SLC35F1: variants seen among roughly 807,000 people sequenced by gnomAD.
The protein encoded by SLC35F1 is chromosome 6 open reading frame 169.
In SLC35F1, 14 loss-of-function variants were observed where a neutral mutation model predicts 48.7. The observed-to-expected ratio is 0.29, with a 90% confidence interval of 0.19 to 0.45. The LOEUF is 0.45. Ranked by LOEUF, SLC35F1 falls within the 20% of genes least tolerant of loss-of-function variation. The pLI is 1.00. For synonymous variants in SLC35F1, 190 were observed against 202.2 expected (o/e 0.94, Z 0.51); for missense variants, 404 against 500.0 (o/e 0.81, Z 1.83).
chr6:118,268,307 G>A (rs1775803422), intron 4 of SLC35F1, among the ~76,000 whole-genome samples: 1 of 152,000 alleles, frequency 6.6e-6, no homozygotes, highest in Admixed American at 6.6e-5. Context: ...ATACAACATA[G>A]AACAAAAGAG....
chr6:118,268,074 G>A (rs956512924), intron 4 of SLC35F1, among the ~76,000 whole-genome samples: 27 of 152,114 alleles, frequency 1.8e-4, no homozygotes, highest in African/African-American at 3.1e-4. Flanking sequence ...ACAAGGTCAC[G>A]TTAAGTCTCT....
intron 3 of SLC35F1, among the ~76,000 whole-genome samples, chr6:118,259,102 T>C (rs1775681345): frequency 6.6e-6 from 1 of 151,662 alleles, no homozygotes; most frequent in Non-Finnish European, 1.5e-5. Context: ...AAAGATATTT[T>C]ATATATCAGT....
intron 1 of SLC35F1, among the ~76,000 whole-genome samples, chr6:118,138,749 C>CATTATTATATCCA (rs1773836461): frequency 6.6e-6 from 1 of 151,786 alleles, no homozygotes; most frequent in African/African-American, 2.4e-5. Context: ...TTTGACCCTG[C>CATTATTATATCCA]AGTATTATAT....
In SLC35F1 at chr6:118,234,377, T is replaced by C. The variant is rs368458969; in HGVS notation, c.350-1132T>C. On this transcript the variant is annotated intron_variant, in intron 2 of 7. Coordinates refer to ENST00000360388, the MANE Select transcript of SLC35F1 (RefSeq NM_001029858.4). Reference sequence around the variant, plus strand: ...TCTTTGGTGTTCTCTCTCTCTCTCATTGTTTGTCCTGGGACAAAACAAATG... The same window carrying C: ...TCTTTGGTGTTCTCTCTCTCTCTCACTGTTTGTCCTGGGACAAAACAAATG... 8.5e-5 allele frequency among the ~76,000 whole-genome samples: 13 copies of C among 152,212 alleles called. 1 individual carries two copies. In the East Asian group the frequency reaches 2.3e-3, roughly 27 times the overall value.
At chr6:118,149,645 G>A (rs1774026745) in intron 1 of SLC35F1, among the ~76,000 whole-genome samples, 1 of 152,110 alleles carries the variant, frequency 6.6e-6, no homozygotes. Context: ...ATTCCTTCCG[G>A]TTTTACATGT....
chr6:118,143,468 A>G (rs527505274), intron 1 of SLC35F1, among the ~76,000 whole-genome samples: 2 of 152,304 alleles, frequency 1.3e-5, no homozygotes, highest in Non-Finnish European at 2.9e-5. Flanking sequence ...TTAGTTTCAT[A>G]ATACTCATTT....
chr6:118,203,652 C>T (rs1451541967), intron 2 of SLC35F1, among the ~76,000 whole-genome samples: 1 of 152,170 alleles, frequency 6.6e-6, no homozygotes, highest in African/African-American at 2.4e-5. Flanking sequence ...CCTGCCAAGA[C>T]TTGTAGGAAA....
At chr6:118,224,614 CA>C (rs2114567882) in intron 2 of SLC35F1, among the ~76,000 whole-genome samples, 1 of 152,300 alleles carries the variant, frequency 6.6e-6, no homozygotes, top group South Asian at 2.1e-4. Flanking sequence ...TGAGGGAAAT[CA>C]AGGCTTAAAG....
rs1393667511 is a variant in SLC35F1 at position 117,966,140 on chromosome 6, C to CT, written c.173+58241_173+58242insT. 2.4e-4 allele frequency among the ~76,000 whole-genome samples: 31 copies of CT among 128,200 alleles called. 2 individuals carry two copies. Among genetic ancestry groups the CT allele is most frequent in the African/African-American group, 7.7e-4 (27 of 35,184 alleles). 84.1% of individuals were successfully genotyped at this position (128,200 alleles called of 152,430 possible). A position where few individuals can be genotyped will look rare whatever the true frequency, so the allele number is the denominator to read the frequency against. On this transcript the variant is annotated intron_variant, in intron 1 of 7. Coordinates refer to ENST00000360388, the MANE Select transcript of SLC35F1 (RefSeq NM_001029858.4). ...ATAAAAGCAGGCCACCGCCCCCCCCCCCACTCCCGCCCCGCCCCAAGCAGC... is the reference window on the plus strand; with the variant it reads ...ATAAAAGCAGGCCACCGCCCCCCCCCTCCACTCCCGCCCCGCCCCAAGCAGC...
intron 1 of SLC35F1, among the ~76,000 whole-genome samples, chr6:118,136,954 C>A (rs2114433858): frequency 6.6e-6 from 1 of 152,346 alleles, no homozygotes; most frequent in African/African-American, 2.4e-5. Context: ...ATAGATTAGG[C>A]AATATCCATT....
At chr6:117,966,010 A>C (rs35619468) in intron 1 of SLC35F1, among the ~76,000 whole-genome samples, 43,703 of 151,688 alleles carry the variant, frequency 0.29, 6,631 homozygotes, top group Admixed American at 0.38. Context: ...AAATGGACCA[A>C]TCAGCACTCT....
chr6:118,045,022 G>A (rs1772280848), intron 1 of SLC35F1, among the ~76,000 whole-genome samples: 1 of 152,130 alleles, frequency 6.6e-6, no homozygotes, highest in Non-Finnish European at 1.5e-5. Context: ...TCCAAATGAA[G>A]TCTTACATAT....
intron 1 of SLC35F1, among the ~76,000 whole-genome samples, chr6:118,064,220 C>T (rs1772582442): frequency 1.3e-5 from 2 of 152,296 alleles, no homozygotes; most frequent in South Asian, 2.1e-4. Context: ...TGGGAAAAAC[C>T]TGCCTACATG....
chr6:118,279,488 T>A (rs1775956231), intron 6 of SLC35F1, among the ~76,000 whole-genome samples: 3 of 152,168 alleles, frequency 2.0e-5, no homozygotes, highest in Admixed American at 6.5e-5. Flanking sequence ...GTTTACTAAG[T>A]GAGCAAATGA....
At position 118,308,149 on chromosome 6, in the gene SLC35F1, T is replaced by G. The variant is rs573135334; in HGVS notation, c.1003-5879T>G. ...CACGTTACTTTCATTTAGTCACTGA[T>G]GGATCTTTAAAACTACTCTGGTACC... On this transcript the variant is annotated intron_variant, in intron 7 of 7. Transcript: ENST00000360388. Among the ~76,000 whole-genome samples the G allele has an allele frequency of 2.6e-3, 396 of 152,364 alleles. 2 individuals are homozygous for G. Among genetic ancestry groups the G allele is most frequent in the African/African-American group, 9.2e-3 (383 of 41,592 alleles).
intron 2 of SLC35F1, among the ~76,000 whole-genome samples, chr6:118,155,394 C>T (rs1011648416): frequency 2.0e-5 from 3 of 152,122 alleles, no homozygotes; most frequent in African/African-American, 2.4e-5. Flanking sequence ...AGGGCTTCAC[C>T]GTCCTGAATA....
chr6:117,907,920 A>G (rs1438063276), intron 1 of SLC35F1, 21 bp downstream of exon 1: 1 of 1,307,494 alleles, frequency 7.6e-7, no homozygotes, highest in East Asian at 3.2e-5. Context: ...GCGCCGGGCG[A>G]GGGCGCGGGG....
intron 3 of SLC35F1, among the ~76,000 whole-genome samples, chr6:118,260,588 A>C (rs1231701928): frequency 6.6e-6 from 1 of 152,168 alleles, no homozygotes; most frequent in Non-Finnish European, 1.5e-5. Flanking sequence ...ACAACAAAAA[A>C]TTATTAAATA....
At chr6:118,148,683 T>G (rs1360930173) in intron 1 of SLC35F1, among the ~76,000 whole-genome samples, 1 of 152,192 alleles carries the variant, frequency 6.6e-6, no homozygotes, top group Non-Finnish European at 1.5e-5. Flanking sequence ...ACTAAAATTA[T>G]AGGAACTATG....
Sources: allele counts gnomAD v4.1 joint callset (sites outside exome capture counted in the v4.1 genomes callset), GRCh38; gene constraint gnomAD v4.1.1; transcripts MANE v1.5; gene names NCBI Gene and HGNC (gene_info 2026-07-23, HGNC 2026-07-21).